CLCA2: variants seen among roughly 807,000 people sequenced by gnomAD.
CLCA2 encodes calcium-activated chloride channel regulator 2.
Under a neutral mutation model 82.9 loss-of-function variants are expected in CLCA2, and 85 were observed. The observed-to-expected ratio is 1.03, with a 90% CI of 0.86 to 1.23. CLCA2 has a LOEUF of 1.23. Ranked by LOEUF, CLCA2 falls within the 50% of genes most tolerant of loss-of-function variation. The pLI is 0.00. For synonymous variants in CLCA2, 421 were observed against 391.7 expected (o/e 1.07, Z -0.88); for missense variants, 1,089 against 1,124.8 (o/e 0.97, Z 0.45).
intron 1 of CLCA2, among the ~76,000 whole-genome samples, chr1:86,424,895 T>C (rs1410743671): frequency 6.6e-6 from 1 of 152,214 alleles, no homozygotes; most frequent in Admixed American, 6.5e-5. Context: ...AAATTATTTC[T>C]TTTCACTTGA....
At chr1:86,454,897 A>G (rs1279597606) in intron 13 of CLCA2, among the ~76,000 whole-genome samples, 188 bp from the exon 14 acceptor site, 1 of 152,114 alleles carries the variant, frequency 6.6e-6, no homozygotes, top group Non-Finnish European at 1.5e-5. Context: ...TCAAAAAAAA[A>G]AAAAATCCTT....
intron 11 of CLCA2, among the ~76,000 whole-genome samples, chr1:86,449,040 AAAG>A (rs1456642350): frequency 1.3e-5 from 2 of 152,246 alleles, no homozygotes; most frequent in Non-Finnish European, 2.9e-5. Context: ...TGCACTAAAA[AAAG>A]GAACAATAAA....
In CLCA2 at chr1:86,447,619, G is replaced by A; in HGVS notation, c.1825G>A (p.Ala609Thr). 6.2e-7 allele frequency: 1 copy of A among 1,614,092 alleles called. No homozygotes were observed. The highest frequency in any genetic ancestry group is 8.5e-7 in the Non-Finnish European group (1 of 1,180,010). The part of the protein sequence containing the change: ...NSAVPPATVE[A>T]FVERDSLHFP... ...AGCTGTGCCCCCAGCCACTGTGGAA[G>A]CCTTTGTGGAAAGAGACAGCCTCCA... Residue 609 changes from alanine (A) to threonine (T), a missense_variant, in exon 11 of 14, where the codon GCC becomes ACC. Transcript: ENST00000370565.
rs774054137 is a variant in CLCA2, at chr1:86,443,967, C to T, written c.1669C>T (p.Leu557=). The part of the protein sequence containing the change: ...KYYTNNFITN[L]TFRTASLWIP... Reference sequence around the variant, plus strand: ...CTACACAAATAATTTTATCACCAATCTAACTTTTCGGACAGCTAGTCTTTG... The same window carrying T: ...CTACACAAATAATTTTATCACCAATTTAACTTTTCGGACAGCTAGTCTTTG... The change falls in exon 10 of 14, where the codon CTA becomes TTA. Residue 557 remains leucine (L), a synonymous_variant. Transcript: ENST00000370565. The T allele has an allele frequency of 3.1e-6, 5 of 1,613,550 alleles. No homozygotes were observed. In the South Asian group the frequency reaches 5.5e-5, roughly 18 times the overall value.
intron 6 of CLCA2, among the ~76,000 whole-genome samples, chr1:86,434,989 G>A (rs1330577203): frequency 1.3e-5 from 2 of 152,112 alleles, no homozygotes; most frequent in Admixed American, 6.5e-5. Flanking sequence ...GAGTGCAGTG[G>A]CACAATTTCA....
intron 12 of CLCA2, among the ~76,000 whole-genome samples, chr1:86,452,970 C>T (rs4656103): frequency 0.084 from 12,731 of 152,034 alleles, 573 homozygotes; most frequent in South Asian, 0.13. Flanking sequence ...GACAGGAGTT[C>T]GAGACCAGCC....
At chr1:86,435,622 T>C (rs756894614) in intron 6 of CLCA2, among the ~76,000 whole-genome samples, 3 of 152,204 alleles carry the variant, frequency 2.0e-5, no homozygotes, top group Non-Finnish European at 2.9e-5. Flanking sequence ...ATAAAGAGCA[T>C]GATGGCCCCT....
At chr1:86,439,597 A>G (rs759048056) in intron 7 of CLCA2, among the ~76,000 whole-genome samples, 4 of 152,214 alleles carry the variant, frequency 2.6e-5, no homozygotes, top group Non-Finnish European at 5.9e-5. Context: ...ACAAGTTTGC[A>G]TTCAGCATCT....
chr1:86,441,575 T>A (rs1295749301), intron 9 of CLCA2, 32 bp downstream of exon 9: 1 of 1,427,130 alleles, frequency 7.0e-7, no homozygotes, highest in Non-Finnish European at 9.9e-7. Context: ...TATTTCCAGG[T>A]GGGGAGTGGG....
intron 13 of CLCA2, among the ~76,000 whole-genome samples, chr1:86,454,373 G>A (rs952866289): frequency 6.6e-6 from 1 of 152,116 alleles, no homozygotes; most frequent in Non-Finnish European, 1.5e-5. Context: ...TTGTATATCT[G>A]GTAGGGTTAG....
rs374096404 is a variant in CLCA2 at position 86,455,501 on chromosome 1, A to G, written c.2806A>G (p.Lys936Glu). 4.7e-6 allele frequency: 7 copies of G among 1,492,358 alleles called. No homozygotes were observed. The highest frequency in any genetic ancestry group is 1.8e-4 in the Middle Eastern group (1 of 5,566). The allele number at this position is 1,492,358 out of a possible 1,614,324, so 92.4% of individuals were successfully genotyped here. A position where few individuals can be genotyped will look rare whatever the true frequency, so the allele number is the denominator to read the frequency against. Reference protein sequence around the residue: ...TLSRKKRADKKENGTKLL With the variant: ...TLSRKKRADKEENGTKLL Reference sequence around the variant, plus strand: ...AAGCAGGAAAAAGAGAGCAGACAAGAAAGAGAATGGAACAAAATTATTATA... The same window carrying G: ...AAGCAGGAAAAAGAGAGCAGACAAGGAAGAGAATGGAACAAAATTATTATA... Residue 936 changes from lysine (K) to glutamate (E), a missense_variant, in exon 14 of 14, where the codon AAA becomes GAA. Coordinates refer to ENST00000370565, the MANE Select transcript of CLCA2 (RefSeq NM_006536.7).
chr1:86,442,564 G>A (rs529903975), intron 9 of CLCA2, among the ~76,000 whole-genome samples: 56 of 152,292 alleles, frequency 3.7e-4, no homozygotes, highest in African/African-American at 1.3e-3. Flanking sequence ...AGCATAGCAT[G>A]TGGCCCAGCC....
At chr1:86,450,464 A>G (rs566997505) in intron 11 of CLCA2, 99 bp from the exon 12 acceptor site, 364 of 893,268 alleles carry the variant, frequency 4.1e-4, no homozygotes, top group Non-Finnish European at 5.6e-4. Context: ...TATATCTTAT[A>G]TAGAAAGAAT....
intron 6 of CLCA2, among the ~76,000 whole-genome samples, chr1:86,437,242 A>G (rs1179502208): frequency 4.6e-5 from 7 of 152,226 alleles, no homozygotes; most frequent in Admixed American, 3.3e-4. Context: ...TCAGATGCCT[A>G]CACTGCACTG....
At position 86,432,361 on chromosome 1, in the gene CLCA2, A is replaced by G. The variant is rs780820832; in HGVS notation, c.585-8A>G. ...GACCTAATTCCCAGTTTCTCTTTCC[A>G]TTTTTAGGTGTTCATCTGACATCAC... On this transcript the variant is annotated splice_region_variant and splice_polypyrimidine_tract_variant and intron_variant, in intron 4 of 13. Transcript: ENST00000370565. 3.7e-6 allele frequency: 6 copies of G among 1,611,938 alleles called. No homozygotes were observed. In the Middle Eastern group the frequency reaches 6.6e-4, roughly 178 times the overall value.
At chr1:86,449,612 T>A (rs1662920394) in intron 11 of CLCA2, among the ~76,000 whole-genome samples, 1 of 152,236 alleles carries the variant, frequency 6.6e-6, no homozygotes, top group African/African-American at 2.4e-5. Flanking sequence ...CCTGCTTTTC[T>A]TATGTTAAGG....
chr1:86,424,269 G>T lies in CLCA2; in HGVS notation c.22G>T (p.Gly8Cys), dbSNP rs773507512. 1.9e-6 allele frequency: 3 copies of T among 1,613,476 alleles called. No homozygotes were observed. The South Asian group carries it at 3.3e-5, about 18-fold the overall frequency. The change falls in exon 1 of 14, where the codon GGT (glycine) becomes TGT (cysteine). Residue 8 changes from glycine (G) to cysteine (C), a missense_variant. By Grantham distance (159) the Gly-to-Cys change is radical. Coordinates refer to ENST00000370565, the MANE Select transcript of CLCA2 (RefSeq NM_006536.7). ...CAACATGACCCAAAGGAGCATTGCA[G>T]GTCCTATTTGCAACCTGAAGTTTGT... MTQRSIA[G>C]PICNLKFVTL...
At chr1:86,452,893 G>C (rs920103208) in intron 12 of CLCA2, among the ~76,000 whole-genome samples, 1 of 152,156 alleles carries the variant, frequency 6.6e-6, no homozygotes, top group Non-Finnish European at 1.5e-5. Flanking sequence ...TATTTACTGA[G>C]GCCGGGCACA....
intron 1 of CLCA2, among the ~76,000 whole-genome samples, chr1:86,424,655 G>A (rs1570249363): frequency 6.6e-6 from 1 of 151,986 alleles, no homozygotes; most frequent in African/African-American, 2.4e-5. Flanking sequence ...CCTCTATTTT[G>A]TTATTGTTGG....
Sources: gnomAD v4.1 joint callset for allele counts (sites outside exome capture counted in the v4.1 genomes callset) on GRCh38, gnomAD v4.1.1 for gene constraint, MANE v1.5 for transcripts, NCBI Gene and HGNC (gene_info 2026-07-23, HGNC 2026-07-21) for gene names.